The following UBE2G1 variants were observed in gnomAD, a reference collection of about 807,000 sequenced individuals.
UBE2G1 encodes ubiquitin conjugating enzyme E2 G1, also known as ubiquitin-conjugating enzyme E2 G1.
A neutral mutation model predicts 22.7 loss-of-function variants in UBE2G1; 5 were observed. The observed-to-expected ratio is 0.22, with a 90% CI of 0.12 to 0.46. The LOEUF (loss-of-function observed/expected upper bound fraction) is 0.46. UBE2G1 is among the 20% of genes least tolerant of loss of function. The probability of loss-of-function intolerance (pLI) is 0.99; values close to 1 mark genes in which losing one functional copy is unlikely to be tolerated. For synonymous variants in UBE2G1, 74 were observed against 67.5 expected (o/e 1.10, Z -0.47); for missense variants, 88 against 203.9 (o/e 0.43, Z 3.46).
rs556084279 is a variant in UBE2G1, at chr17:4,294,228, C to A, written c.247+2489G>T. Among the ~76,000 whole-genome samples the A allele has an allele frequency of 2.0e-4, 30 of 152,130 alleles. No homozygotes were observed. In the South Asian group the frequency reaches 2.7e-3, roughly 14 times the overall value. On this transcript the variant is annotated intron_variant, in intron 3 of 5. Coordinates refer to ENST00000396981, the MANE Select transcript of UBE2G1 (RefSeq NM_003342.5). The stretch of plus-strand genomic sequence containing the variant: ...GTCAGGAGTTCAAGACCAGCCTGTC[C>A]AACATGGTGAAACCCCGACTCTACT...
intron 1 of UBE2G1, among the ~76,000 whole-genome samples, chr17:4,314,250 T>C (rs1045344368): frequency 6.6e-6 from 1 of 152,156 alleles, no homozygotes; most frequent in Non-Finnish European, 1.5e-5. Flanking sequence ...TAGGTTCATC[T>C]CACACATAGC....
chr17:4,301,385 C>T, intron 2 of UBE2G1: 1 of 577,762 alleles, frequency 1.7e-6, no homozygotes, highest in Admixed American at 2.2e-5. Context: ...TGCTGCTGGC[C>T]CTTCTGTGGC....
intron 1 of UBE2G1, among the ~76,000 whole-genome samples, chr17:4,339,786 T>C (rs1598199988): frequency 6.6e-6 from 1 of 151,930 alleles, no homozygotes; most frequent in East Asian, 2.0e-4. Context: ...GAGGTGGAGG[T>C]TGCGGTGAGC....
intron 2 of UBE2G1, 82 bp from the exon 3 acceptor site, chr17:4,296,896 G>A: frequency 8.1e-7 from 1 of 1,231,004 alleles, no homozygotes; most frequent in East Asian, 2.4e-5. Flanking sequence ...TATAAAACAA[G>A]GGTGCTAGCA....
chr17:4,273,669 C>T (rs1426667902), intron 5 of UBE2G1, among the ~76,000 whole-genome samples: 1 of 130,080 alleles, frequency 7.7e-6, no homozygotes, highest in African/African-American at 2.9e-5. Flanking sequence ...TCTCATTTGA[C>T]TATTAGACTT....
At chr17:4,337,339 G>T in intron 1 of UBE2G1, among the ~76,000 whole-genome samples, 1 of 143,988 alleles carries the variant, frequency 6.9e-6, no homozygotes. Flanking sequence ...AAAAAGAAAA[G>T]AAAAGAAAGA....
At chr17:4,343,842 C>T (rs537595449) in intron 1 of UBE2G1, among the ~76,000 whole-genome samples, 1 of 152,210 alleles carries the variant, frequency 6.6e-6, no homozygotes, top group African/African-American at 2.4e-5. Flanking sequence ...CCGCCTCATT[C>T]TCCCAAAGTG....
At chr17:4,339,890 A>T (rs1357366386) in intron 1 of UBE2G1, among the ~76,000 whole-genome samples, 1 of 151,872 alleles carries the variant, frequency 6.6e-6, no homozygotes, top group Non-Finnish European at 1.5e-5. Flanking sequence ...CTAAAATAAC[A>T]ATAAAACGTA....
At chr17:4,311,695 A>G (rs1969311918) in intron 1 of UBE2G1, among the ~76,000 whole-genome samples, 4 of 152,174 alleles carry the variant, frequency 2.6e-5, no homozygotes, top group Non-Finnish European at 5.9e-5. Context: ...GAACGTCTGA[A>G]AGCTAGATCG....
chr17:4,329,059 C>T (rs1332137515), intron 1 of UBE2G1, among the ~76,000 whole-genome samples: 3 of 142,808 alleles, frequency 2.1e-5, no homozygotes, highest in South Asian at 2.3e-4. Flanking sequence ...GAGCAGAGAT[C>T]GCGCCATGCA....
intron 2 of UBE2G1, among the ~76,000 whole-genome samples, chr17:4,299,566 T>C (rs1021838702): frequency 6.6e-6 from 1 of 152,208 alleles, no homozygotes; most frequent in Non-Finnish European, 1.5e-5. Flanking sequence ...AAAAGCTTCA[T>C]AATAGCTGAC....
intron 1 of UBE2G1, among the ~76,000 whole-genome samples, chr17:4,365,486 C>A (rs553331870): frequency 6.6e-6 from 1 of 152,280 alleles, no homozygotes; most frequent in Non-Finnish European, 1.5e-5. Context: ...CCGACCCGGC[C>A]GCCGCCCCGG....
intron 2 of UBE2G1, chr17:4,301,386 C>T: frequency 1.7e-6 from 1 of 583,172 alleles, no homozygotes; most frequent in East Asian, 3.5e-5. Flanking sequence ...GCTGCTGGCC[C>T]TTCTGTGGCC....
chr17:4,366,231 A>G, intron 1 of UBE2G1, 40 bp downstream of exon 1: 1 of 1,515,206 alleles, frequency 6.6e-7, no homozygotes. Flanking sequence ...GCTGTCCGCG[A>G]TCGCGGCCGG....
intron 1 of UBE2G1, among the ~76,000 whole-genome samples, chr17:4,340,894 T>TA (rs778447316): frequency 0.052 from 5,722 of 110,844 alleles, 296 homozygotes; most frequent in African/African-American, 0.13. Context: ...TTCACGTATT[T>TA]AAAAAAAAAA....
intron 1 of UBE2G1, among the ~76,000 whole-genome samples, chr17:4,315,665 G>A (rs1468219334): frequency 1.3e-5 from 2 of 150,622 alleles, no homozygotes; most frequent in Non-Finnish European, 3.0e-5. Context: ...GCGTGAACCC[G>A]GGAGGCGGAG....
At chr17:4,315,570 C>G (rs1969357003) in intron 1 of UBE2G1, among the ~76,000 whole-genome samples, 1 of 151,444 alleles carries the variant, frequency 6.6e-6, no homozygotes, top group African/African-American at 2.4e-5. Context: ...GAAACCCCGT[C>G]TCTACCAAAA....
At chr17:4,347,087 A>G (rs1388439811) in intron 1 of UBE2G1, among the ~76,000 whole-genome samples, 2 of 152,096 alleles carry the variant, frequency 1.3e-5, no homozygotes, top group Admixed American at 1.3e-4. Context: ...CAGGAGGCGG[A>G]GGTTGCAGTG....
At chr17:4,342,372 G>A (rs1008799478) in intron 1 of UBE2G1, among the ~76,000 whole-genome samples, 2 of 152,116 alleles carry the variant, frequency 1.3e-5, no homozygotes, top group African/African-American at 2.4e-5. Context: ...GCTCATACCT[G>A]TAATCCCAGC....
Sources: gnomAD v4.1 joint callset for allele counts (sites outside exome capture counted in the v4.1 genomes callset) on GRCh38, gnomAD v4.1.1 for gene constraint, MANE v1.5 for transcripts, NCBI Gene and HGNC (gene_info 2026-07-23, HGNC 2026-07-21) for gene names.